Variants in TCF4 observed in about 807,000 individuals in gnomAD.
TCF4 encodes SL3-3 enhancer factor 2.
Under a neutral mutation model 82.1 loss-of-function variants are expected in TCF4, and 3 were observed. The ratio of observed to expected loss-of-function variants is 0.04; its 90% CI spans 0.02 to 0.09. The LOEUF is 0.09. Ranked by LOEUF, TCF4 falls within the 10% of genes least tolerant of loss-of-function variation. TCF4 has a pLI of 1.00. For missense variants in TCF4, 518 were observed against 852.7 expected (o/e 0.61, Z 4.89); for synonymous variants, 276 against 309.6 (o/e 0.89, Z 1.14).
chr18:55,618,055 G>A (rs769500561), intron 2 of TCF4, among the ~76,000 whole-genome samples: 9 of 152,032 alleles, frequency 5.9e-5, no homozygotes, highest in Admixed American at 3.9e-4. Flanking sequence ...TCAGTTATTC[G>A]CCATTGAGTA....
chr18:55,369,705 A>G (rs963700137), intron 6 of TCF4, among the ~76,000 whole-genome samples: 2 of 151,790 alleles, frequency 1.3e-5, no homozygotes, highest in Non-Finnish European at 1.5e-5. Context: ...TAAGACAAAA[A>G]AAGTTGTTGG....
chr18:55,610,762 A>G lies in TCF4; in HGVS notation c.286+20536T>C, dbSNP rs987016999. On this transcript the variant is annotated intron_variant, in intron 2 of 20. Coordinates refer to the TCF4 transcript ENST00000398339. Reference sequence around the variant, plus strand: ...GAAGAGTCTGGGAGAGTACAATTTAACCGCAAAACTTGGCTCTGCCTTTTG... The same window carrying G: ...GAAGAGTCTGGGAGAGTACAATTTAGCCGCAAAACTTGGCTCTGCCTTTTG... Among the ~76,000 whole-genome samples, 6 of 152,202 alleles carry G rather than the reference A, an allele frequency of 3.9e-5. No homozygotes were observed. In the South Asian group the frequency reaches 1.2e-3, roughly 32 times the overall value.
chr18:55,354,738 G>C (rs2083074628), intron 6 of TCF4, among the ~76,000 whole-genome samples: 1 of 152,138 alleles, frequency 6.6e-6, no homozygotes. Flanking sequence ...ACTGAGATCA[G>C]AGTACGATGA....
intron 5 of TCF4, among the ~76,000 whole-genome samples, chr18:55,458,214 TTC>T (rs2095804469): frequency 6.6e-6 from 1 of 152,210 alleles, no homozygotes; most frequent in Admixed American, 6.5e-5. Context: ...GCTGATTTAT[TTC>T]TGATGCTATA....
chr18:55,592,294 AT>A (rs2097686366), upstream of TCF4, among the ~76,000 whole-genome samples: 1 of 152,128 alleles, frequency 6.6e-6, no homozygotes. Flanking sequence ...AACAGCAGAC[AT>A]TTGTTTTTCA....
At chr18:55,581,480 C>T (rs1268793202) in intron 3 of TCF4, among the ~76,000 whole-genome samples, 1 of 151,960 alleles carries the variant, frequency 6.6e-6, no homozygotes, top group African/African-American at 2.4e-5. Flanking sequence ...TACAAAAAGC[C>T]ACAGAACCCT....
chr18:55,343,920 C>T (rs1393866934), intron 8 of TCF4, among the ~76,000 whole-genome samples: 2 of 152,110 alleles, frequency 1.3e-5, no homozygotes, highest in African/African-American at 2.4e-5. Context: ...AAATCCTGTG[C>T]TATTGCTTTG....
At chr18:55,394,706 G>C (rs3794889) in intron 6 of TCF4, among the ~76,000 whole-genome samples, 38,413 of 152,162 alleles carry the variant, frequency 0.25, 5,098 homozygotes, top group East Asian at 0.48. Context: ...AAATATTCTT[G>C]TCGGTTTCTG....
chr18:55,494,018 TG>T (rs1365110591), intron 3 of TCF4, among the ~76,000 whole-genome samples: 2 of 152,134 alleles, frequency 1.3e-5, no homozygotes, highest in Non-Finnish European at 2.9e-5. Flanking sequence ...ATTTTGTAAA[TG>T]TTTTCCTCAT....
intron 8 of TCF4, among the ~76,000 whole-genome samples, chr18:55,339,097 C>T (rs570011067): frequency 1.3e-5 from 2 of 151,988 alleles, no homozygotes; most frequent in Admixed American, 6.6e-5. Flanking sequence ...AAAAAAATTG[C>T]GACACACTTT....
intron 8 of TCF4, among the ~76,000 whole-genome samples, chr18:55,348,298 T>G (rs896564978): frequency 2.0e-5 from 3 of 152,132 alleles, no homozygotes; most frequent in African/African-American, 7.2e-5. Context: ...CTCAAAAAAT[T>G]GCAATAAAAA....
intron 9 of TCF4, among the ~76,000 whole-genome samples, chr18:55,278,816 C>T (rs2061964882): frequency 4.8e-5 from 1 of 21,022 alleles, no homozygotes; most frequent in Non-Finnish European, 7.5e-5. Context: ...GATTTGCCTG[C>T]CTTGGCCTCC....
intron 3 of TCF4, among the ~76,000 whole-genome samples, chr18:55,533,431 C>T (rs2097087773): frequency 6.6e-6 from 1 of 152,098 alleles, no homozygotes; most frequent in African/African-American, 2.4e-5. Flanking sequence ...GCAGGGTCTA[C>T]CTGGTTAATG....
At position 55,279,201 on chromosome 18, in the gene TCF4, A is replaced by C. The variant is rs577336073; in HGVS notation, c.655+350T>G. On this transcript the variant is annotated intron_variant, in intron 9 of 19. Transcript: ENST00000354452. ...TGGCTAAATCCAGGATGTTCAAAAC[A>C]TACATGGAGCTGAACCACTTCTAAA... Among the ~76,000 whole-genome samples, 14 of 152,326 alleles carry C rather than the reference A, an allele frequency of 9.2e-5. No individual in the cohort carries two copies. In the South Asian group the frequency reaches 2.3e-3, roughly 25 times the overall value.
upstream of TCF4, chr18:55,588,390 C>A (rs1400682568): frequency 1.3e-6 from 2 of 1,532,764 alleles, no homozygotes; most frequent in African/African-American, 2.8e-5. Flanking sequence ...CCCCCTCGCA[C>A]CCACCCCGAG....
chr18:55,627,456 T>G (rs566717050), intron 2 of TCF4, among the ~76,000 whole-genome samples: 1 of 152,262 alleles, frequency 6.6e-6, no homozygotes, highest in Admixed American at 6.5e-5. Context: ...CCACGTGTAT[T>G]CAGAAGAGTC....
At chr18:55,249,043 C>T (rs1325575489) in intron 15 of TCF4, among the ~76,000 whole-genome samples, 1 of 152,134 alleles carries the variant, frequency 6.6e-6, no homozygotes, top group East Asian at 1.9e-4. Context: ...CCGTGTCCAG[C>T]CTCTTTTGTC....
chr18:55,443,212 C>G (rs1484442363), intron 5 of TCF4, among the ~76,000 whole-genome samples: 3 of 152,194 alleles, frequency 2.0e-5, no homozygotes, highest in Non-Finnish European at 4.4e-5. Context: ...GTATGCCTAG[C>G]TGTCAGGTTA....
chr18:55,542,268 T>C (rs2097170824), intron 3 of TCF4, among the ~76,000 whole-genome samples: 1 of 151,998 alleles, frequency 6.6e-6, no homozygotes. Context: ...CAACTGAATG[T>C]TGGAATATGA....
Sources: gnomAD v4.1 joint callset for allele counts (sites outside exome capture counted in the v4.1 genomes callset) on GRCh38, gnomAD v4.1.1 for gene constraint, MANE v1.5 for transcripts, NCBI Gene and HGNC (gene_info 2026-07-23, HGNC 2026-07-21) for gene names.